Variants in PYCARD observed in about 807,000 individuals in gnomAD.
PYCARD encodes the protein PYD and CARD domain containing.
Under a neutral mutation model 10.0 loss-of-function variants are expected in PYCARD, and 10 were observed. The ratio of observed to expected loss-of-function variants is 1.00; its 90% CI spans 0.62 to 1.69. The LOEUF (loss-of-function observed/expected upper bound fraction) is 1.69. PYCARD is among the 40% of genes most tolerant of loss of function. PYCARD has a pLI of 0.00. For missense variants in PYCARD, 239 were observed against 260.2 expected, an observed-to-expected ratio of 0.92 and a Z score of 0.56; for synonymous variants, 121 against 122.3, an observed-to-expected ratio of 0.99 and a Z score of 0.07.
chr16:31,201,862 T>A (rs768773232), intron 2 of PYCARD, 21 bp from the exon 3 acceptor site: 3 of 1,610,752 alleles, frequency 1.9e-6, no homozygotes, highest in Non-Finnish European at 2.5e-6. Context: ...GAGGAGAACA[T>A]GAGCCAGCAG....
In PYCARD at chr16:31,202,292, G is replaced by T. The variant is rs1291607557; in HGVS notation, c.275-89C>A. The T allele has an allele frequency of 3.2e-6, 5 of 1,554,490 alleles. No homozygotes were observed. In the African/African-American group the frequency reaches 6.8e-5, roughly 21 times the overall value. On this transcript the variant is annotated intron_variant, in intron 1 of 2. Coordinates refer to ENST00000247470, the MANE Select transcript of PYCARD (RefSeq NM_013258.5). The surrounding 1 kb of genome is among the most constrained non-coding windows in gnomAD (Gnocchi z 4.5). Reference sequence around the variant, plus strand: ...TTGGTCGGTAGGCCAAGCGTGGGGAGCCTCCTTTCCGGTAGAGCAGCTTTG... The same window carrying T: ...TTGGTCGGTAGGCCAAGCGTGGGGATCCTCCTTTCCGGTAGAGCAGCTTTG...
At chr16:31,201,878 G>A (rs765210901) in intron 2 of PYCARD, 37 bp from the exon 3 acceptor site, 1 of 1,607,658 alleles carries the variant, frequency 6.2e-7, no homozygotes, top group African/African-American at 1.3e-5. Context: ...AGCAGCCAGG[G>A]TGTGGGGCCT....
At position 31,201,536 on chromosome 16, in the gene PYCARD, A is replaced by C; in HGVS notation, c.*49T>G. ...GTATAAAAAGATCAGATTCAGGATG[A>C]TTTGGTGGGATTGCCAGGGGCTGAC... On this transcript the variant is annotated 3_prime_UTR_variant, in exon 3 of 3. Transcript: ENST00000247470. The C allele has an allele frequency of 2.5e-6, 4 of 1,588,964 alleles. No individual in the cohort carries two copies. In the South Asian group the frequency reaches 4.5e-5, roughly 18 times the overall value.
In PYCARD at chr16:31,201,853, A is replaced by G. The variant is rs2144171768; in HGVS notation, c.332-12T>C. ...TATAAAGTGCAGGCCTGGGGGTGGG[A>G]GGAGAACATGAGCCAGCAGCCAGGG... On this transcript the variant is annotated splice_polypyrimidine_tract_variant and intron_variant, in intron 2 of 2. Coordinates refer to ENST00000247470, the MANE Select transcript of PYCARD (RefSeq NM_013258.5). 6.2e-7 allele frequency: 1 copy of G among 1,612,332 alleles called. No homozygotes were observed. The highest frequency in any genetic ancestry group is 1.7e-4 in the Middle Eastern group (1 of 6,002).
At chr16:31,201,924 T>A (rs910310030) in intron 2 of PYCARD, 83 bp from the exon 3 acceptor site, 19 of 1,572,404 alleles carry the variant, frequency 1.2e-5, no homozygotes, top group Non-Finnish European at 1.3e-5. Flanking sequence ...GGAATTCCTC[T>A]GCAAGCCTAG....
chr16:31,202,125 G>A lies in PYCARD; in HGVS notation c.331+22C>T, dbSNP rs752375975. 5.4e-5 allele frequency: 87 copies of A among 1,603,344 alleles called. No individual in the cohort carries two copies. The South Asian group carries it at 7.3e-4, about 13-fold the overall frequency. On this transcript the variant is annotated intron_variant, in intron 2 of 2. Coordinates refer to ENST00000247470, the MANE Select transcript of PYCARD (RefSeq NM_013258.5). This position sits in a 1 kb window ranked among gnomAD's most constrained non-coding sequence, Gnocchi z 4.5. Reference sequence around the variant, plus strand: ...GGCTGTGCAGGAGTGCGGTGGGGCCGGGCTGGGTGTGGAGGCCTCACCTGG... The same window carrying A: ...GGCTGTGCAGGAGTGCGGTGGGGCCAGGCTGGGTGTGGAGGCCTCACCTGG...
In PYCARD at chr16:31,201,783, C is replaced by G. The variant is rs759895426; in HGVS notation, c.390G>C (p.Glu130Asp). The G allele has an allele frequency of 1.2e-6, 2 of 1,614,228 alleles. No individual in the cohort carries two copies. The change falls in exon 3 of 3, where the codon GAG becomes GAC. Residue 130 changes from glutamate (E) to aspartate (D), a missense_variant. Glu to Asp is a conservative substitution (Grantham distance 45, BLOSUM62 2). Transcript: ENST00000247470. ...TCCCGTACAGAGCATCCAGCAGCCACTCAACGTTTGTGACCCTCGCGATAA... is the reference window on the plus strand; with the variant it reads ...TCCCGTACAGAGCATCCAGCAGCCAGTCAACGTTTGTGACCCTCGCGATAA... ...AALIARVTNVEWLLDALYGKV... is the reference protein window; with the variant it reads ...AALIARVTNVDWLLDALYGKV...
rs745868540 is a variant in PYCARD at position 31,202,302 on chromosome 16, C to T, written c.275-99G>A. On this transcript the variant is annotated intron_variant, in intron 1 of 2. Coordinates refer to ENST00000247470, the MANE Select transcript of PYCARD (RefSeq NM_013258.5). This position sits in a 1 kb window ranked among gnomAD's most constrained non-coding sequence, Gnocchi z 4.5. ...GGCCAAGCGTGGGGAGCCTCCTTTC[C>T]GGTAGAGCAGCTTTGTTTAGGGGTA... The T allele has an allele frequency of 4.5e-5, 69 of 1,545,052 alleles. No homozygotes were observed. The highest frequency in any genetic ancestry group is 5.8e-5 in the Non-Finnish European group (67 of 1,150,876).
At position 31,202,195 on chromosome 16, in the gene PYCARD, C is replaced by T. The variant is rs749391521; in HGVS notation, c.283G>A (p.Ala95Thr). ...LQAATHQGSG[A>T]APAGIQAPPQ... Reference sequence around the variant, plus strand: ...GGGGCCTGGATCCCAGCTGGCGCGGCTCCAGAGCCTGGAAGGATATGGGCC... The same window carrying T: ...GGGGCCTGGATCCCAGCTGGCGCGGTTCCAGAGCCTGGAAGGATATGGGCC... The change falls in exon 2 of 3, where the codon GCC (alanine) becomes ACC (threonine). Residue 95 changes from alanine to threonine, a missense_variant. By Grantham distance (58) the Ala-to-Thr change is moderately conservative. Coordinates refer to ENST00000247470, the MANE Select transcript of PYCARD (RefSeq NM_013258.5). This position sits in a 1 kb window ranked among gnomAD's most constrained non-coding sequence, Gnocchi z 4.5. The T allele has an allele frequency of 8.7e-6, 14 of 1,604,552 alleles. No individual in the cohort carries two copies. Among genetic ancestry groups the T allele is most frequent in the Non-Finnish European group, 1.1e-5 (13 of 1,179,790 alleles).
chr16:31,201,738 C>CT lies in PYCARD; in HGVS notation c.434dup (p.Tyr146ValfsTer84). 3.7e-6 allele frequency: 6 copies of CT among 1,614,172 alleles called. No homozygotes were observed. Among genetic ancestry groups the CT allele is most frequent in the Non-Finnish European group, 4.2e-6 (5 of 1,180,038 alleles). On this transcript the variant is annotated frameshift_variant, in exon 3 of 3. Transcript: ENST00000247470. LOFTEE classifies it low-confidence loss of function (END_TRUNC). Reference sequence around the variant, plus strand: ...TGGGCTCGGCCCGCACTGCCTGGTACTGCTCATCCGTCAGGACCTTCCCGT... The same window carrying CT: ...TGGGCTCGGCCCGCACTGCCTGGTACTTGCTCATCCGTCAGGACCTTCCCGT...
Position 31,202,098 on chromosome 16 carries a change from C to CA in PYCARD, c.331+48dup. 6.3e-7 allele frequency: 1 copy of CA among 1,583,858 alleles called. No individual in the cohort carries two copies. Among genetic ancestry groups the CA allele is most frequent in the Non-Finnish European group, 8.6e-7 (1 of 1,167,088 alleles). On this transcript the variant is annotated intron_variant, in intron 2 of 2. Transcript: ENST00000247470. The surrounding 1 kb of genome is among the most constrained non-coding windows in gnomAD (Gnocchi z 4.5). ...TGCCCTGGTTGCGGGAGCACAGATGCAGGCTGTGCAGGAGTGCGGTGGGGC... is the reference window on the plus strand; with the variant it reads ...TGCCCTGGTTGCGGGAGCACAGATGCAAGGCTGTGCAGGAGTGCGGTGGGGC...
In PYCARD at chr16:31,202,060, C is replaced by T; in HGVS notation, c.331+87G>A. The T allele has an allele frequency of 6.7e-7, 1 of 1,486,906 alleles. No homozygotes were observed. The highest frequency in any genetic ancestry group is 1.4e-5 in the African/African-American group (1 of 72,432). The allele number at this position is 1,486,906 out of a possible 1,614,324, so 92.1% of individuals were successfully genotyped here. ...GCGCAGGGTTGCCAAGCCGTGCCTG[C>T]CCTGCCCTGCCCTGCCCTGGTTGCG... On this transcript the variant is annotated intron_variant, in intron 2 of 2. Coordinates refer to ENST00000247470, the MANE Select transcript of PYCARD (RefSeq NM_013258.5). This position sits in a 1 kb window ranked among gnomAD's most constrained non-coding sequence, Gnocchi z 4.5.
chr16:31,201,613 T>C lies in PYCARD; in HGVS notation c.560A>G (p.Tyr187Cys). 1.9e-6 allele frequency: 3 copies of C among 1,613,960 alleles called. No individual in the cohort carries two copies. The highest frequency in any genetic ancestry group is 1.6e-4 in the Middle Eastern group (1 of 6,062). ...GCTCCGCTCCAGGTCCTCCACCAGG[T>C]AGGACTGGGACTCCCTTAGGGCCTG... The part of the protein sequence containing the change: ...LLQALRESQS[Y>C]LVEDLERS The change falls in exon 3 of 3, where the codon TAC (tyrosine) becomes TGC (cysteine). Residue 187 changes from tyrosine to cysteine, a missense_variant. By Grantham distance (194) the Tyr-to-Cys change is radical. Transcript: ENST00000247470.
rs556680739 is a variant in PYCARD, at chr16:31,201,771, A to T, written c.402T>A (p.Asp134Glu). The T allele has an allele frequency of 3.1e-6, 5 of 1,614,178 alleles. No homozygotes were observed. In the African/African-American group the frequency reaches 5.3e-5, roughly 17 times the overall value. The change falls in exon 3 of 3, where the codon GAT becomes GAA. Residue 134 changes from aspartate to glutamate, a missense_variant. Asp to Glu is a conservative substitution (Grantham distance 45). Coordinates refer to ENST00000247470, the MANE Select transcript of PYCARD (RefSeq NM_013258.5). ...CCGTCAGGACCTTCCCGTACAGAGC[A>T]TCCAGCAGCCACTCAACGTTTGTGA... ...ARVTNVEWLL[D>E]ALYGKVLTDE...
At position 31,202,413 on chromosome 16, in the gene PYCARD, T is replaced by C. The variant is rs1407829454; in HGVS notation, c.274+4A>G. On this transcript the variant is annotated splice_donor_region_variant and intron_variant, in intron 1 of 2. Coordinates refer to ENST00000247470, the MANE Select transcript of PYCARD (RefSeq NM_013258.5). This position sits in a 1 kb window ranked among gnomAD's most constrained non-coding sequence, Gnocchi z 4.5. ...CGGGGTGGAGGGGAACGGGGGCGGC[T>C]CACCCTGGTGCGTGGCCGCCTGCAG... The C allele has an allele frequency of 6.5e-7, 1 of 1,533,458 alleles. No individual in the cohort carries two copies. The highest frequency in any genetic ancestry group is 8.8e-7 in the Non-Finnish European group (1 of 1,140,012). The allele number at this position is 1,533,458 out of a possible 1,614,324, so 95.0% of individuals were successfully genotyped here.
In PYCARD at chr16:31,201,569, T is replaced by C. The variant is rs1314014727; in HGVS notation, c.*16A>G. ...GGATTGCCAGGGGCTGACCGGAGTG[T>C]TGCTGGGAAGGAGCCTCAGCTCCGC... On this transcript the variant is annotated 3_prime_UTR_variant, in exon 3 of 3. Transcript: ENST00000247470. 6.2e-7 allele frequency: 1 copy of C among 1,607,620 alleles called. No individual in the cohort carries two copies. Among genetic ancestry groups the C allele is most frequent in the East Asian group, 2.2e-5 (1 of 44,696 alleles).
chr16:31,202,658 C>T lies in PYCARD; in HGVS notation c.33G>A (p.Ala11=), dbSNP rs1260537593. Residue 11 remains alanine (A), a synonymous_variant, in exon 1 of 3, where the codon GCG becomes GCA. Transcript: ENST00000247470. The surrounding 1 kb of genome is among the most constrained non-coding windows in gnomAD (Gnocchi z 4.5). Reference sequence around the variant, plus strand: ...GCTCCTCGGCGGTCAGGTTCTCCAGCGCATCCAGGATGGCGTCGCGCGCGC... The same window carrying T: ...GCTCCTCGGCGGTCAGGTTCTCCAGTGCATCCAGGATGGCGTCGCGCGCGC... MGRARDAILD[A]LENLTAEELK... 7 of 1,601,856 alleles carry T rather than the reference C, an allele frequency of 4.4e-6. No homozygotes were observed. The highest frequency in any genetic ancestry group is 2.2e-5 in the East Asian group (1 of 44,498).
rs146349221 is a variant in PYCARD, at chr16:31,202,297, C to T, written c.275-94G>A. 2,119 of 1,550,514 alleles carry T rather than the reference C, an allele frequency of 1.4e-3. 20 individuals carry two copies. In the African/African-American group the frequency reaches 0.025, roughly 18 times the overall value. On this transcript the variant is annotated intron_variant, in intron 1 of 2. Transcript: ENST00000247470. The surrounding 1 kb of genome is among the most constrained non-coding windows in gnomAD (Gnocchi z 4.5). ...CGGTAGGCCAAGCGTGGGGAGCCTC[C>T]TTTCCGGTAGAGCAGCTTTGTTTAG...
rs1171888446 is a variant in PYCARD, at chr16:31,201,850, GGGA to G, written c.332-12_332-10del. The G allele has an allele frequency of 1.9e-6, 3 of 1,612,740 alleles. No individual in the cohort carries two copies. The highest frequency in any genetic ancestry group is 4.5e-5 in the East Asian group (2 of 44,846). ...GTCTATAAAGTGCAGGCCTGGGGGT[GGGA>G]GGAGAACATGAGCCAGCAGCCAGGG... is the stretch of plus-strand genomic sequence containing the variant. On this transcript the variant is annotated splice_polypyrimidine_tract_variant and intron_variant, in intron 2 of 2. Coordinates refer to ENST00000247470, the MANE Select transcript of PYCARD (RefSeq NM_013258.5).
Sources: allele counts gnomAD v4.1 joint callset, GRCh38; gene constraint gnomAD v4.1.1; non-coding constraint Gnocchi (gnomAD v3.1); transcripts MANE v1.5; gene names NCBI Gene and HGNC (gene_info 2026-07-23, HGNC 2026-07-21).